The following PLEKHG1 variants were observed in gnomAD, a reference collection of about 807,000 sequenced individuals.
PLEKHG1 encodes pleckstrin homology and RhoGEF domain containing G1.
A neutral mutation model predicts 100.8 loss-of-function variants in PLEKHG1; 44 were observed. The observed-to-expected ratio is 0.44, with a 90% CI of 0.34 to 0.56. PLEKHG1 has a LOEUF of 0.56. Among genes scored for constraint, PLEKHG1 ranks in the 20% least tolerant of loss-of-function variants. The pLI is 0.01. For missense variants in PLEKHG1, 1,545 were observed against 1,720.9 expected, an observed-to-expected ratio of 0.90 and a Z score of 1.81; for synonymous variants, 640 against 662.5, an observed-to-expected ratio of 0.97 and a Z score of 0.52.
chr6:150,731,041 G>T (rs1782223913), intron 1 of PLEKHG1, among the ~76,000 whole-genome samples: 2 of 152,286 alleles, frequency 1.3e-5, no homozygotes, highest in South Asian at 4.1e-4. Flanking sequence ...GATGGTCTAG[G>T]TTATGGAGGG....
At chr6:150,637,904 T>G (rs372988722) in intron 1 of PLEKHG1, among the ~76,000 whole-genome samples, 3 of 152,230 alleles carry the variant, frequency 2.0e-5, no homozygotes, top group Non-Finnish European at 2.9e-5. Context: ...TTCTTTATTA[T>G]TTTCCTTCTC....
At chr6:150,601,281 T>G (rs73619627) in intron 1 of PLEKHG1, among the ~76,000 whole-genome samples, 3,270 of 152,320 alleles carry the variant, frequency 0.021, 109 homozygotes, top group African/African-American at 0.074. Context: ...AAATTGCTGT[T>G]AAAAACATTT....
intron 3 of PLEKHG1, among the ~76,000 whole-genome samples, chr6:150,675,443 C>T (rs117040798): frequency 3.3e-5 from 5 of 152,218 alleles, no homozygotes; most frequent in East Asian, 1.9e-4. Flanking sequence ...TTTTCTCTCA[C>T]GCTTTCTGGA....
At chr6:150,735,914 A>G (rs1782536533) in intron 2 of PLEKHG1, among the ~76,000 whole-genome samples, 1 of 152,250 alleles carries the variant, frequency 6.6e-6, no homozygotes, top group Non-Finnish European at 1.5e-5. Context: ...ATGAAAGAAA[A>G]CAGATAAAGA....
intron 5 of PLEKHG1, among the ~76,000 whole-genome samples, chr6:150,798,327 G>T (rs147160777): frequency 1.3e-5 from 2 of 152,258 alleles, no homozygotes; most frequent in East Asian, 3.9e-4. Flanking sequence ...GAGCTTGTTT[G>T]GGGAATTATG....
At chr6:150,777,175 G>A (rs565196622) in intron 3 of PLEKHG1, among the ~76,000 whole-genome samples, 272 of 150,410 alleles carry the variant, frequency 1.8e-3, no homozygotes, top group African/African-American at 6.2e-3. Context: ...CAATCCTGGC[G>A]TACATGTGCG....
In PLEKHG1 at chr6:150,775,106, G is replaced by A. The variant is rs149010781; in HGVS notation, c.512+6368G>A. Among the ~76,000 whole-genome samples the A allele has an allele frequency of 4.5e-4, 69 of 152,142 alleles. 1 individual carries two copies. Among genetic ancestry groups the A allele is most frequent in the African/African-American group, 1.6e-3 (67 of 41,488 alleles). On this transcript the variant is annotated intron_variant, in intron 3 of 15. Transcript: ENST00000358517. ...TCCCTATGATAACCTAGAAATTTAA[G>A]TCTCTGATTTGGTGTCTGGAATAAA...
intron 2 of PLEKHG1, among the ~76,000 whole-genome samples, chr6:150,646,079 A>G (rs2128571171): frequency 6.6e-6 from 1 of 152,346 alleles, no homozygotes; most frequent in East Asian, 1.9e-4. Flanking sequence ...GCAAAATGAC[A>G]CGGGTATATC....
chr6:150,604,332 G>A (rs1562376826), intron 1 of PLEKHG1, among the ~76,000 whole-genome samples: 1 of 152,166 alleles, frequency 6.6e-6, no homozygotes, highest in African/African-American at 2.4e-5. Flanking sequence ...GAAAAGACAC[G>A]TAAAGTCCTA....
intron 14 of PLEKHG1, chr6:150,827,565 T>G: frequency 1.6e-6 from 1 of 642,124 alleles, no homozygotes. Flanking sequence ...CGTGAGCCAC[T>G]GTGCCTGGCC....
intron 15 of PLEKHG1, among the ~76,000 whole-genome samples, chr6:150,834,505 A>G (rs764931709): frequency 6.6e-6 from 1 of 152,176 alleles, no homozygotes. Context: ...TTGAATATGG[A>G]CCATCTGTTA....
intron 3 of PLEKHG1, among the ~76,000 whole-genome samples, chr6:150,688,058 C>T (rs1303281023): frequency 6.6e-6 from 1 of 152,172 alleles, no homozygotes; most frequent in African/African-American, 2.4e-5. Flanking sequence ...AACCAGGTAT[C>T]CAAACGAGAC....
At chr6:150,665,642 T>C (rs1487953418) in intron 3 of PLEKHG1, among the ~76,000 whole-genome samples, 2 of 127,150 alleles carry the variant, frequency 1.6e-5, no homozygotes, top group Admixed American at 1.7e-4. Context: ...AAAATAAAAA[T>C]AAAAATAAAA....
At chr6:150,829,931 T>G (rs1340205717) in intron 14 of PLEKHG1, among the ~76,000 whole-genome samples, 1 of 152,200 alleles carries the variant, frequency 6.6e-6, no homozygotes, top group Non-Finnish European at 1.5e-5. Flanking sequence ...GCACTGGCCC[T>G]AAAGCTCCTT....
At chr6:150,719,388 G>C (rs1781570034), upstream of PLEKHG1, among the ~76,000 whole-genome samples, 1 of 152,202 alleles carries the variant, frequency 6.6e-6, no homozygotes, top group Non-Finnish European at 1.5e-5. Flanking sequence ...GAGTCATTAG[G>C]AAGCCTAGAA....
In PLEKHG1 at chr6:150,763,024, C is replaced by CTTTTTTTTTTTTTTTTTTTTTTTTTTTT. The variant is rs60462437; in HGVS notation, c.412-5594_412-5593insTTTTTTTTTTTTTTTTTTTTTTTTTTTT. Among the ~76,000 whole-genome samples, 41 of 76,494 alleles carry CTTTTTTTTTTTTTTTTTTTTTTTTTTTT rather than the reference C, an allele frequency of 5.4e-4. 6 individuals are homozygous for CTTTTTTTTTTTTTTTTTTTTTTTTTTTT. The highest frequency in any genetic ancestry group is 1.4e-3 in the Admixed American group (7 of 5,066). 50.2% of individuals were successfully genotyped at this position (76,494 alleles called of 152,430 possible). On this transcript the variant is annotated intron_variant, in intron 2 of 15. Transcript: ENST00000358517. The stretch of plus-strand genomic sequence containing the variant: ...AGCACCAACAGGAGGGATAAAGCTT[C>CTTTTTTTTTTTTTTTTTTTTTTTTTTTT]TTTTTTTTTTTTTTTTTTTTGAGAC...
intron 1 of PLEKHG1, among the ~76,000 whole-genome samples, chr6:150,730,824 C>G (rs1380056086): frequency 6.6e-6 from 1 of 151,864 alleles, no homozygotes; most frequent in African/African-American, 2.4e-5. Flanking sequence ...ATCGCTTGAA[C>G]CTGGGAGGCG....
At chr6:150,624,796 A>ACGG (rs1331979710) in intron 1 of PLEKHG1, 5 of 152,204 alleles carry the variant, frequency 3.3e-5, no homozygotes, top group Non-Finnish European at 7.3e-5. Context: ...CTTCAAAGGC[A>ACGG]CCTTGTACGA....
intron 2 of PLEKHG1, among the ~76,000 whole-genome samples, chr6:150,755,829 C>T (rs1053364239): frequency 3.9e-5 from 6 of 152,000 alleles, no homozygotes; most frequent in Admixed American, 2.6e-4. Context: ...ATAAATCCGT[C>T]CTGGGAAAGC....
Sources: gnomAD v4.1 joint callset for allele counts (sites outside exome capture counted in the v4.1 genomes callset) on GRCh38, gnomAD v4.1.1 for gene constraint, MANE v1.5 for transcripts, NCBI Gene and HGNC (gene_info 2026-07-23, HGNC 2026-07-21) for gene names.